C2orf42: variants seen among roughly 807,000 people sequenced by gnomAD.
The protein encoded by C2orf42 is uncharacterized protein C2orf42.
A neutral mutation model predicts 58.9 loss-of-function variants in C2orf42; 44 were observed. That is an observed-to-expected ratio of 0.75 (90% CI 0.59 to 0.96). The LOEUF (loss-of-function observed/expected upper bound fraction) is 0.96. C2orf42 is among the 40% of genes least tolerant of loss of function. C2orf42 has a pLI of 0.00. For synonymous variants in C2orf42, 239 were observed against 265.4 expected, an observed-to-expected ratio of 0.90 and a Z score of 0.97; for missense variants, 630 against 699.2, an observed-to-expected ratio of 0.90 and a Z score of 1.12.
intron 8 of C2orf42, among the ~76,000 whole-genome samples, chr2:70,162,732 A>G (rs1673138064): frequency 6.6e-6 from 1 of 152,118 alleles, no homozygotes; most frequent in Non-Finnish European, 1.5e-5. Flanking sequence ...TCAGCCTCCT[A>G]AATCGCTGGT....
In C2orf42 at chr2:70,169,646, A is replaced by G; in HGVS notation, c.1055T>C (p.Leu352Ser). 1 of 1,597,608 alleles carries G rather than the reference A, an allele frequency of 6.3e-7. No homozygotes were observed. Among genetic ancestry groups the G allele is most frequent in the Non-Finnish European group, 8.6e-7 (1 of 1,165,024 alleles). Reference protein sequence around the residue: ...SLKRQACGQLLDEAQVTLSFQ... With the variant: ...SLKRQACGQLSDEAQVTLSFQ... ...GGATAAAGTCACTTGTGCCTCATCT[A>G]ACAGCTGACCACAGGCTAGGGAAAA... is the stretch of plus-strand genomic sequence containing the variant. The change falls in exon 6 of 10, where the codon TTA becomes TCA. Residue 352 changes from leucine to serine, a missense_variant. Transcript: ENST00000264434.
intron 1 of C2orf42, among the ~76,000 whole-genome samples, chr2:70,187,044 G>A (rs1421490100): frequency 6.6e-6 from 1 of 151,722 alleles, no homozygotes; most frequent in Non-Finnish European, 1.5e-5. Context: ...CATGGCACAT[G>A]TATACATATG....
chr2:70,156,389 G>T (rs1672678799), intron 9 of C2orf42, among the ~76,000 whole-genome samples: 1 of 152,074 alleles, frequency 6.6e-6, no homozygotes, highest in Admixed American at 6.6e-5. Context: ...GGGAGGCAGA[G>T]TGGAAGGATC....
At chr2:70,162,083 T>A (rs1038695201) in intron 8 of C2orf42, among the ~76,000 whole-genome samples, 1 of 151,354 alleles carries the variant, frequency 6.6e-6, no homozygotes, top group Non-Finnish European at 1.5e-5. Context: ...ACGATCTCAG[T>A]TCACTGCAAC....
Position 70,181,811 on chromosome 2 carries a change from G to T in C2orf42, c.175C>A (p.Pro59Thr). Residue 59 changes from proline to threonine, a missense_variant, in exon 3 of 10, where the codon CCT (proline) becomes ACT (threonine). Transcript: ENST00000264434. The stretch of plus-strand genomic sequence containing the variant: ...ATGATTTTGACAGCTTCAACACTAG[G>T]CTGCTTGCGTGCACCGTAGCGGAAT... Reference protein sequence around the residue: ...TIFRYGARKQPSVEAVKIITG... With the variant: ...TIFRYGARKQTSVEAVKIITG... The T allele has an allele frequency of 6.2e-7, 1 of 1,614,114 alleles. No homozygotes were observed. The highest frequency in any genetic ancestry group is 8.5e-7 in the Non-Finnish European group (1 of 1,180,002).
At chr2:70,152,555 T>G (rs1387742587) in intron 9 of C2orf42, among the ~76,000 whole-genome samples, 2 of 152,136 alleles carry the variant, frequency 1.3e-5, no homozygotes, top group East Asian at 3.8e-4. Flanking sequence ...GGAGGCTACA[T>G]GGAAAAAGGC....
intron 8 of C2orf42, 146 bp downstream of exon 8, chr2:70,164,946 C>A: frequency 2.3e-6 from 1 of 442,142 alleles, no homozygotes. Flanking sequence ...AACTATAAAG[C>A]CAGGGATATT....
intron 5 of C2orf42, among the ~76,000 whole-genome samples, chr2:70,172,217 C>T (rs1380468702): frequency 7.5e-6 from 1 of 133,210 alleles, no homozygotes; most frequent in African/African-American, 2.8e-5. Flanking sequence ...GAGTGAGACT[C>T]TGTCTCAAAA....
At chr2:70,159,036 C>T (rs536901541) in intron 9 of C2orf42, among the ~76,000 whole-genome samples, 111 of 149,668 alleles carry the variant, frequency 7.4e-4, no homozygotes, top group Middle Eastern at 6.9e-3. Flanking sequence ...CTCAGCCTCC[C>T]GCCACCGCGC....
intron 1 of C2orf42, among the ~76,000 whole-genome samples, chr2:70,184,093 G>A (rs554694622): frequency 1.1e-4 from 17 of 152,272 alleles, no homozygotes; most frequent in Non-Finnish European, 1.8e-4. Context: ...TTATAAGTGT[G>A]AGCCACACAG....
At position 70,181,304 on chromosome 2, in the gene C2orf42, T is replaced by G. The variant is rs1674549591; in HGVS notation, c.682A>C (p.Thr228Pro). Residue 228 changes from threonine to proline, a missense_variant, in exon 3 of 10, where the codon ACT (threonine) becomes CCT (proline). By Grantham distance (38) the Thr-to-Pro change is conservative (BLOSUM62 -1). Coordinates refer to ENST00000264434, the MANE Select transcript of C2orf42 (RefSeq NM_017880.3). Reference protein sequence around the residue: ...PERRFFCSCQTLKSHKSNASK... With the variant: ...PERRFFCSCQPLKSHKSNASK... ...GCATTTGACTTGTGCGATTTCAGAG[T>G]CTGACAGGAGCAGAAGAAGCGGCGC... 6 of 1,613,760 alleles carry G rather than the reference T, an allele frequency of 3.7e-6. 1 individual carries two copies. Among genetic ancestry groups the G allele is most frequent in the Non-Finnish European group, 5.1e-6 (6 of 1,179,906 alleles).
intron 1 of C2orf42, among the ~76,000 whole-genome samples, chr2:70,184,443 C>CT (rs1167279663): frequency 6.7e-6 from 1 of 149,390 alleles, no homozygotes; most frequent in Non-Finnish European, 1.5e-5. Context: ...TCCCAAAGTG[C>CT]TGGGATTACA....
At chr2:70,152,905 C>A (rs1672395874) in intron 9 of C2orf42, among the ~76,000 whole-genome samples, 2 of 152,010 alleles carry the variant, frequency 1.3e-5, no homozygotes, top group Non-Finnish European at 2.9e-5. Context: ...TGGTGGCACG[C>A]CCCTGTAATC....
At chr2:70,164,309 C>A (rs1006358658) in intron 8 of C2orf42, among the ~76,000 whole-genome samples, 3 of 150,984 alleles carry the variant, frequency 2.0e-5, no homozygotes, top group Admixed American at 1.3e-4. Flanking sequence ...CCCAAAAAAA[C>A]CAAAATTCAA....
intron 9 of C2orf42, among the ~76,000 whole-genome samples, chr2:70,155,548 CA>C (rs1439454021): frequency 6.6e-6 from 1 of 152,162 alleles, no homozygotes; most frequent in Non-Finnish European, 1.5e-5. Context: ...CCTGTAATCC[CA>C]GCACTTTGGG....
intron 9 of C2orf42, among the ~76,000 whole-genome samples, chr2:70,153,416 T>C (rs1672434274): frequency 6.7e-6 from 1 of 148,372 alleles, no homozygotes; most frequent in Non-Finnish European, 1.5e-5. Context: ...CAGGCTGTAG[T>C]GGTGCGATCT....
chr2:70,176,139 A>G (rs1483280279), intron 4 of C2orf42, among the ~76,000 whole-genome samples: 1 of 152,226 alleles, frequency 6.6e-6, no homozygotes, highest in African/African-American at 2.4e-5. Flanking sequence ...AAATTTAGCA[A>G]AAAGAAAATG....
chr2:70,150,753 T>C (rs564169657), intron 9 of C2orf42, among the ~76,000 whole-genome samples, 189 bp from the exon 10 acceptor site: 38 of 152,014 alleles, frequency 2.5e-4, no homozygotes, highest in Non-Finnish European at 4.7e-4. Flanking sequence ...TTGGGTTATT[T>C]TGTTTTTTTT....
intron 9 of C2orf42, among the ~76,000 whole-genome samples, chr2:70,159,696 G>C (rs1050245998): frequency 6.6e-6 from 1 of 152,038 alleles, no homozygotes; most frequent in African/African-American, 2.4e-5. Flanking sequence ...ACTTAGAAGA[G>C]ATTTTAATTT....
Sources: allele counts gnomAD v4.1 joint callset (sites outside exome capture counted in the v4.1 genomes callset), GRCh38; gene constraint gnomAD v4.1.1; transcripts MANE v1.5; gene names NCBI Gene and HGNC (gene_info 2026-07-23, HGNC 2026-07-21).